The following RAF1 variants were observed in gnomAD, a reference collection of about 807,000 sequenced individuals.
The protein encoded by RAF1 is Raf-1 proto-oncogene, serine/threonine kinase.
A neutral mutation model predicts 81.1 loss-of-function variants in RAF1; 27 were observed. That is an observed-to-expected ratio of 0.33 (90% CI 0.25 to 0.46). The LOEUF (loss-of-function observed/expected upper bound fraction) is 0.46. RAF1 is among the 20% of genes least tolerant of loss of function. The pLI, the probability that RAF1 is intolerant of heterozygous loss-of-function variation, is 1.00. For synonymous variants in RAF1, 298 were observed against 294.0 expected (o/e 1.01, Z -0.14); for missense variants, 598 against 826.0 (o/e 0.72, Z 3.38).
intron 3 of RAF1, among the ~76,000 whole-genome samples, chr3:12,610,056 GTC>G (rs1346085542): frequency 6.6e-6 from 1 of 152,186 alleles, no homozygotes; most frequent in African/African-American, 2.4e-5. Flanking sequence ...AAACTTAACT[GTC>G]TTAAAATCTA....
At chr3:12,625,482 T>C (rs1356040837) in intron 1 of RAF1, among the ~76,000 whole-genome samples, 1 of 152,188 alleles carries the variant, frequency 6.6e-6, no homozygotes, top group Non-Finnish European at 1.5e-5. Flanking sequence ...AGCAATCTAA[T>C]AGTATCTATT....
At chr3:12,617,715 G>A (rs1027893120) in intron 2 of RAF1, among the ~76,000 whole-genome samples, 3 of 151,650 alleles carry the variant, frequency 2.0e-5, no homozygotes, top group Admixed American at 1.3e-4. Flanking sequence ...GTGAAACCCC[G>A]TCTCTACTAA....
In RAF1 at chr3:12,585,747, T is replaced by A. The variant is rs1282404212; in HGVS notation, c.1530A>T (p.Ala510=). 1 of 1,614,212 alleles carries A rather than the reference T, an allele frequency of 6.2e-7. No homozygotes were observed. Among genetic ancestry groups the A allele is most frequent in the South Asian group, 1.1e-5 (1 of 91,082 alleles). ...AACCACTCCAGCGTGACTTTACTGT[T>A]GCCAAACCAAAATCTCCAATTTTCA... Residue 510 remains alanine (A), a synonymous_variant, in exon 15 of 18, where the codon GCA becomes GCT. Coordinates refer to ENST00000442415, the MANE Select transcript of RAF1 (RefSeq NM_001354689.3).
At chr3:12,608,980 AACT>A in intron 4 of RAF1, 57 bp from the exon 5 acceptor site, 1 of 1,601,190 alleles carries the variant, frequency 6.2e-7, no homozygotes. Context: ...GACAAAAGAC[AACT>A]TCATTTCTTG....
At chr3:12,634,543 G>T (rs536296554) in intron 1 of RAF1, among the ~76,000 whole-genome samples, 4 of 152,268 alleles carry the variant, frequency 2.6e-5, no homozygotes, top group South Asian at 4.1e-4. Flanking sequence ...GGAAAGAAGC[G>T]AAGGAAATCT....
At position 12,611,923 on chromosome 3, in the gene RAF1, GA is replaced by G. The variant is rs781217246; in HGVS notation, c.320+26del. 45 of 1,525,142 alleles carry G rather than the reference GA, an allele frequency of 3.0e-5. 2 individuals carry two copies. The South Asian group carries it at 5.0e-4, about 17-fold the overall frequency. The allele number at this position is 1,525,142 out of a possible 1,614,324, so 94.5% of individuals were successfully genotyped here. On this transcript the variant is annotated intron_variant, in intron 3 of 17. Coordinates refer to ENST00000442415, the MANE Select transcript of RAF1 (RefSeq NM_001354689.3). ...GCTAGAAGATCCTTACTAGTCTGAA[GA>G]AGTCAATTGACTTTTGAGCTCTTAC...
intron 11 of RAF1, among the ~76,000 whole-genome samples, chr3:12,597,637 G>A (rs2058726307): frequency 6.6e-6 from 1 of 152,070 alleles, no homozygotes. Context: ...GCAACTGGCT[G>A]AGCACAGTGG....
chr3:12,602,666 C>T (rs1279888705), intron 8 of RAF1, among the ~76,000 whole-genome samples: 1 of 152,118 alleles, frequency 6.6e-6, no homozygotes, highest in African/African-American at 2.4e-5. Flanking sequence ...CAGGAACAAA[C>T]CATTTAATAG....
intron 1 of RAF1, among the ~76,000 whole-genome samples, chr3:12,639,658 CT>C (rs2060127158): frequency 6.6e-6 from 1 of 152,148 alleles, no homozygotes; most frequent in Admixed American, 6.6e-5. Flanking sequence ...AGGAATCCGA[CT>C]TACAAGGGAT....
At chr3:12,643,609 G>A (rs1041274427) in intron 1 of RAF1, among the ~76,000 whole-genome samples, 1 of 151,818 alleles carries the variant, frequency 6.6e-6, no homozygotes, top group Non-Finnish European at 1.5e-5. Context: ...GGTGGCAGGC[G>A]CCTGTAATCC....
In RAF1 at chr3:12,647,649, TG is replaced by T. The variant is rs2060396198; in HGVS notation, c.-27+16163del. 2.0e-5 allele frequency among the ~76,000 whole-genome samples: 3 copies of T among 152,242 alleles called. No homozygotes were observed. In the South Asian group the frequency reaches 6.2e-4, roughly 32 times the overall value. ...AATAAATTTTAAGTGGTCACAACAC[TG>T]GAAAAAAAATAACTTTCACACATAA... On this transcript the variant is annotated intron_variant, in intron 1 of 17. Coordinates refer to ENST00000442415, the MANE Select transcript of RAF1 (RefSeq NM_001354689.3).
At chr3:12,659,651 A>G (rs1049136126) in intron 1 of RAF1, among the ~76,000 whole-genome samples, 4 of 48,402 alleles carry the variant, frequency 8.3e-5, no homozygotes, top group African/African-American at 2.7e-4. Context: ...TCCACCTCAT[A>G]GTCATTTGTT....
intron 1 of RAF1, among the ~76,000 whole-genome samples, chr3:12,646,091 C>T (rs1045662697): frequency 4.6e-5 from 7 of 151,986 alleles, no homozygotes; most frequent in Admixed American, 2.6e-4. Context: ...ATAACTTATC[C>T]TTTCTTTTTA....
chr3:12,623,861 CT>C (rs111653370), intron 1 of RAF1, among the ~76,000 whole-genome samples: 103,094 of 134,746 alleles, frequency 0.77, 39,500 homozygotes, highest in East Asian at 0.94. Flanking sequence ...TTTCTTTTTT[CT>C]TTTTTTTTTT....
chr3:12,641,830 T>A (rs1261784513), intron 1 of RAF1, among the ~76,000 whole-genome samples: 1 of 152,104 alleles, frequency 6.6e-6, no homozygotes. Flanking sequence ...GTAATGCTAG[T>A]TGTAGTTTAG....
At chr3:12,622,103 C>T (rs1166920222) in intron 1 of RAF1, among the ~76,000 whole-genome samples, 3 of 152,162 alleles carry the variant, frequency 2.0e-5, no homozygotes, top group South Asian at 4.1e-4. Context: ...CTGACTCACT[C>T]CTACATAACT....
chr3:12,631,321 A>G (rs1559464342), intron 1 of RAF1, among the ~76,000 whole-genome samples: 1 of 152,262 alleles, frequency 6.6e-6, no homozygotes, highest in East Asian at 1.9e-4. Context: ...AATAGTGGCC[A>G]GGCGCAGTGG....
In RAF1 at chr3:12,660,941, T is replaced by TA. The variant is rs563052046; in HGVS notation, c.-27+2871dup. On this transcript the variant is annotated intron_variant, in intron 1 of 17. Transcript: ENST00000442415. ...GTGAGCCAAGATCGCACCACTGCGC[T>TA]AAAAAAACACCACATATCTTTAAAA... Among the ~76,000 whole-genome samples, 15 of 152,256 alleles carry TA rather than the reference T, an allele frequency of 9.9e-5. No homozygotes were observed. The South Asian group carries it at 1.5e-3, about 15-fold the overall frequency.
intron 1 of RAF1, among the ~76,000 whole-genome samples, chr3:12,622,387 C>A (rs2059581631): frequency 6.8e-6 from 1 of 147,732 alleles, no homozygotes; most frequent in Non-Finnish European, 1.5e-5. Flanking sequence ...AGAATAAAAT[C>A]TAAACTCCCT....
Sources: allele counts gnomAD v4.1 joint callset (sites outside exome capture counted in the v4.1 genomes callset), GRCh38; gene constraint gnomAD v4.1.1; transcripts MANE v1.5; gene names NCBI Gene and HGNC (gene_info 2026-07-23, HGNC 2026-07-21).